The following RAB38 variants were observed in gnomAD, a reference collection of about 807,000 sequenced individuals.
The protein encoded by RAB38 is ras-related protein Rab-38.
A neutral mutation model predicts 18.4 loss-of-function variants in RAB38; 15 were observed. The observed-to-expected ratio is 0.82, with a 90% CI of 0.55 to 1.26. The LOEUF (loss-of-function observed/expected upper bound fraction) is 1.26, where lower values mean the gene tolerates loss of function less well. Ranked by LOEUF, RAB38 falls within the 50% of genes most tolerant of loss-of-function variation. The pLI is 0.00. For missense variants in RAB38, 294 were observed against 267.4 expected (o/e 1.10, Z -0.69); for synonymous variants, 101 against 104.4 (o/e 0.97, Z 0.20).
At chr11:88,152,975 A>G (rs1943081505) in intron 1 of RAB38, among the ~76,000 whole-genome samples, 1 of 152,242 alleles carries the variant, frequency 6.6e-6, no homozygotes, top group African/African-American at 2.4e-5. Context: ...TTAAACTCAT[A>G]GCAGTGTAGA....
At chr11:87,922,477 C>A in the RAB38 span, among the ~76,000 whole-genome samples, 2 of 151,850 alleles carry the variant, frequency 1.3e-5, no homozygotes, top group African/African-American at 4.8e-5. Flanking sequence ...TTTCTTTTCA[C>A]CCTTTTAAGA....
intron 2 of RAB38, among the ~76,000 whole-genome samples, chr11:88,149,165 G>A (rs1362627228): frequency 6.6e-6 from 1 of 152,066 alleles, no homozygotes; most frequent in Non-Finnish European, 1.5e-5. Context: ...CTTCACATTT[G>A]TGCTTGCTGT....
Position 88,140,386 on chromosome 11 carries a change from A to C in RAB38, c.483+9289T>G, listed in dbSNP as rs138256217. Reference sequence around the variant, plus strand: ...ACTCCGCACGGGCAGGGCCAAGAATAATAGAATAAAATAATCTTTTGAAAG... The same window carrying C: ...ACTCCGCACGGGCAGGGCCAAGAATCATAGAATAAAATAATCTTTTGAAAG... On this transcript the variant is annotated intron_variant, in intron 2 of 2. Transcript: ENST00000243662. 1.5e-3 allele frequency among the ~76,000 whole-genome samples: 231 copies of C among 152,366 alleles called. 2 individuals are homozygous for C. The highest frequency in any genetic ancestry group is 5.3e-3 in the African/African-American group (222 of 41,584).
intron 1 of RAB38, among the ~76,000 whole-genome samples, chr11:88,171,654 C>G (rs1465200222): frequency 6.6e-6 from 1 of 152,166 alleles, no homozygotes; most frequent in Non-Finnish European, 1.5e-5. Context: ...CCTGGACATT[C>G]ATAAGAATAA....
At chr11:88,090,487 C>T in the RAB38 span, among the ~76,000 whole-genome samples, 1 of 151,750 alleles carries the variant, frequency 6.6e-6, no homozygotes, top group Non-Finnish European at 1.5e-5. Context: ...GTATAGGTAG[C>T]AAGTCATTAC....
At chr11:87,864,653 G>T in the RAB38 span, among the ~76,000 whole-genome samples, 1 of 151,636 alleles carries the variant, frequency 6.6e-6, no homozygotes, top group Admixed American at 6.6e-5. Flanking sequence ...TTTTCCCAAA[G>T]CCACATAGCT....
the RAB38 span, among the ~76,000 whole-genome samples, chr11:87,971,240 A>T: frequency 6.6e-6 from 1 of 152,102 alleles, no homozygotes; most frequent in African/African-American, 2.4e-5. Context: ...ATTGGCTATG[A>T]GACGCTCTGG....
the RAB38 span, among the ~76,000 whole-genome samples, chr11:87,957,357 G>A: frequency 1.3e-5 from 2 of 151,560 alleles, no homozygotes; most frequent in Non-Finnish European, 2.9e-5. Context: ...CCGTCATAAG[G>A]GTCACGGATG....
chr11:88,136,722 T>C (rs1942840427), intron 2 of RAB38, among the ~76,000 whole-genome samples: 1 of 152,078 alleles, frequency 6.6e-6, no homozygotes, highest in African/African-American at 2.4e-5. Context: ...GTCTAAAGAG[T>C]GTATAGAGGG....
At chr11:87,937,688 T>TG in the RAB38 span, among the ~76,000 whole-genome samples, 9 of 152,092 alleles carry the variant, frequency 5.9e-5, no homozygotes, top group African/African-American at 1.9e-4. Context: ...TTGATCCATT[T>TG]GGAAAAATTC....
the RAB38 span, among the ~76,000 whole-genome samples, chr11:87,970,483 C>T: frequency 2.6e-5 from 4 of 151,944 alleles, no homozygotes; most frequent in Admixed American, 6.6e-5. Flanking sequence ...TTCTCTCTTA[C>T]GTTTTGTGCC....
chr11:87,836,627 A>G, the RAB38 span, among the ~76,000 whole-genome samples: 76 of 152,212 alleles, frequency 5.0e-4, no homozygotes, highest in Middle Eastern at 0.01. Context: ...AGAGTCTTCT[A>G]TGTGCAGGTT....
the RAB38 span, among the ~76,000 whole-genome samples, chr11:87,956,442 TGC>T: frequency 6.6e-6 from 1 of 152,168 alleles, no homozygotes; most frequent in African/African-American, 2.4e-5. Flanking sequence ...TATTCTCTGC[TGC>T]AGAGATTTGC....
At chr11:88,131,921 A>C (rs1022827073) in intron 2 of RAB38, among the ~76,000 whole-genome samples, 2 of 152,174 alleles carry the variant, frequency 1.3e-5, no homozygotes, top group Non-Finnish European at 2.9e-5. Context: ...CATGGTTAAG[A>C]ACTCAGATCA....
At chr11:88,044,603 C>A in the RAB38 span, among the ~76,000 whole-genome samples, 2 of 152,174 alleles carry the variant, frequency 1.3e-5, no homozygotes, top group Non-Finnish European at 2.9e-5. Flanking sequence ...CCTACAAGAT[C>A]TAGATAATTA....
the RAB38 span, among the ~76,000 whole-genome samples, chr11:88,089,813 G>A: frequency 3.3e-5 from 5 of 151,978 alleles, no homozygotes; most frequent in South Asian, 2.1e-4. Flanking sequence ...GCTACCGCCC[G>A]CAATGGACAC....
In RAB38 at chr11:88,175,370, G is replaced by A. The variant is rs759657652; in HGVS notation, c.15C>T (p.His5=). MQAP[H]KEHLYKLLVI... is the part of the protein sequence containing the mutation. Reference sequence around the variant, plus strand: ...CCAGCAACTTGTACAGGTGCTCCTTGTGCGGGGCCTGCATCCTGGCGGCCG... The same window carrying A: ...CCAGCAACTTGTACAGGTGCTCCTTATGCGGGGCCTGCATCCTGGCGGCCG... Residue 5 remains histidine (H), a synonymous_variant, in exon 1 of 3, where the codon CAC becomes CAT. Coordinates refer to ENST00000243662, the MANE Select transcript of RAB38 (RefSeq NM_022337.3). 12 of 1,614,148 alleles carry A rather than the reference G, an allele frequency of 7.4e-6. No homozygotes were observed. The highest frequency in any genetic ancestry group is 1.0e-5 in the Non-Finnish European group (12 of 1,180,024).
At chr11:87,836,406 T>C in the RAB38 span, among the ~76,000 whole-genome samples, 1 of 152,318 alleles carries the variant, frequency 6.6e-6, no homozygotes, top group Admixed American at 6.5e-5. Context: ...TTTAATAATT[T>C]CTGATTCACC....
the RAB38 span, among the ~76,000 whole-genome samples, chr11:87,948,326 C>T: frequency 5.3e-5 from 8 of 152,192 alleles, no homozygotes; most frequent in Admixed American, 6.5e-5. Context: ...AGATATACAA[C>T]CATGTCATCT....
Sources: gnomAD v4.1 joint callset for allele counts (sites outside exome capture counted in the v4.1 genomes callset) on GRCh38, gnomAD v4.1.1 for gene constraint, MANE v1.5 for transcripts, NCBI Gene and HGNC (gene_info 2026-07-23, HGNC 2026-07-21) for gene names.